Variants in TPPP observed in about 807,000 individuals in gnomAD.
TPPP encodes the protein tubulin polymerization-promoting protein.
TPPP carries 6 observed loss-of-function variants against 15.5 expected under a neutral mutation model. The ratio of observed to expected loss-of-function variants is 0.39; its 90% CI spans 0.21 to 0.77. The LOEUF (loss-of-function observed/expected upper bound fraction) is 0.77, where lower values mean the gene tolerates loss of function less well. TPPP is among the 30% of genes least tolerant of loss of function. The pLI, the probability that TPPP is intolerant of heterozygous loss-of-function variation, is 0.42. For synonymous variants in TPPP, 146 were observed against 133.9 expected, an observed-to-expected ratio of 1.09 and a Z score of -0.63; for missense variants, 269 against 307.2, an observed-to-expected ratio of 0.88 and a Z score of 0.93.
chr5:665,353 A>C, intron 3 of TPPP, 57 bp from the exon 4 acceptor site: 1 of 1,526,920 alleles, frequency 6.5e-7, no homozygotes, highest in Non-Finnish European at 8.9e-7. Context: ...TGAGGCCAGC[A>C]AGTGAAATGG....
At chr5:677,642 AACCCCCTCCAC>A in intron 2 of TPPP, 97 bp downstream of exon 2, 1 of 1,058,394 alleles carries the variant, frequency 9.4e-7, no homozygotes, top group African/African-American at 1.6e-5. Flanking sequence ...CTTGAAGCAC[AACCCCCTCCAC>A]TCCCCATGGC....
At chr5:669,227 G>A (rs546612102) in intron 2 of TPPP, among the ~76,000 whole-genome samples, 7 of 152,162 alleles carry the variant, frequency 4.6e-5, no homozygotes, top group African/African-American at 4.8e-5. Context: ...TTCCAGACCC[G>A]CCGGCCATAG....
intron 2 of TPPP, among the ~76,000 whole-genome samples, chr5:666,529 G>A (rs577914275): frequency 1.3e-5 from 2 of 152,336 alleles, no homozygotes; most frequent in Admixed American, 1.3e-4. Context: ...CTAGGTGGAG[G>A]TGTCCCCCAC....
intron 1 of TPPP, among the ~76,000 whole-genome samples, chr5:682,235 T>G (rs943183257): frequency 4.1e-5 from 6 of 145,206 alleles, no homozygotes; most frequent in African/African-American, 1.6e-4. Context: ...GGCCAGGCAC[T>G]AGGACTGACT....
rs371896286 is a variant in TPPP, at chr5:666,022, C to A, written c.413G>T (p.Arg138Leu). ...FKDKSSEEAV[R>L]EVHRLIEGKA... The stretch of plus-strand genomic sequence containing the variant: ...GCCCTCGATGAGCCTGTGCACCTCG[C>A]GAACGGCCTCCTCGCTGCTCTTGTC... Residue 138 changes from arginine to leucine, a missense_variant, in exon 3 of 4, where the codon CGC (arginine) becomes CTC (leucine). Arg to Leu is a moderately radical substitution (Grantham distance 102). Coordinates refer to ENST00000360578, the MANE Select transcript of TPPP (RefSeq NM_007030.3). 2.5e-6 allele frequency: 4 copies of A among 1,610,058 alleles called. No homozygotes were observed. Among genetic ancestry groups the A allele is most frequent in the African/African-American group, 2.7e-5 (2 of 74,396 alleles).
rs1739763392 is a variant in TPPP, at chr5:663,413, C to T, written c.*1689G>A. The T allele has an allele frequency of 6.6e-6, 1 of 152,426 alleles. No individual in the cohort carries two copies. The highest frequency in any genetic ancestry group is 2.1e-4 in the South Asian group (1 of 4,834). 9.4% of individuals were successfully genotyped at this position (152,426 alleles called of 1,614,324 possible). A position where few individuals can be genotyped will look rare whatever the true frequency, so the allele number is the denominator to read the frequency against. On this transcript the variant is annotated 3_prime_UTR_variant, in exon 4 of 4. Transcript: ENST00000360578. The stretch of plus-strand genomic sequence containing the variant: ...TCCATTTTTCCTTGCTCTTTATTTC[C>T]AGGCACTGAACTTCCCAGCCCTGCC...
At chr5:665,919 G>GGCCCCCCCCCCCC in intron 3 of TPPP, 51 bp downstream of exon 3, 6 of 344,042 alleles carry the variant, frequency 1.7e-5, no homozygotes, top group Non-Finnish European at 2.4e-5. Flanking sequence ...CACCTTCCAG[G>GGCCCCCCCCCCCC]CCCCGCCCCC....
intron 2 of TPPP, among the ~76,000 whole-genome samples, chr5:672,536 TGGACCCATAG>T (rs1403481583): frequency 6.6e-6 from 1 of 152,246 alleles, no homozygotes; most frequent in Non-Finnish European, 1.5e-5. Flanking sequence ...CTGAGCTAGA[TGGACCCATAG>T]GGGGCCAGTG....
In TPPP at chr5:673,929, A is replaced by G. The variant is rs117493888; in HGVS notation, c.311+3821T>C. Among the ~76,000 whole-genome samples the G allele has an allele frequency of 5.1e-4, 78 of 152,310 alleles. No individual in the cohort carries two copies. In the East Asian group the frequency reaches 0.012, roughly 23 times the overall value. On this transcript the variant is annotated intron_variant, in intron 2 of 3. Transcript: ENST00000360578. ...CCACCCACCGCAGGGAGAGTTCTGC[A>G]TGTGTGTGCAGGCGTGTGTGTGCAC...
chr5:668,014 C>T (rs57942070), intron 2 of TPPP, among the ~76,000 whole-genome samples: 2 of 36,650 alleles, frequency 5.5e-5, no homozygotes, highest in Non-Finnish European at 8.3e-5. Flanking sequence ...AGGGAAGTAC[C>T]GACAAGCACA....
chr5:685,159 C>T lies in TPPP; in HGVS notation c.-4-7095G>A, dbSNP rs544727009. Among the ~76,000 whole-genome samples, 371 of 152,236 alleles carry T rather than the reference C, an allele frequency of 2.4e-3. 2 individuals carry two copies. The highest frequency in any genetic ancestry group is 3.9e-3 in the Non-Finnish European group (266 of 67,998). On this transcript the variant is annotated intron_variant, in intron 1 of 3. Coordinates refer to ENST00000360578, the MANE Select transcript of TPPP (RefSeq NM_007030.3). ...CAGAGGTCATCACTCTTGAGAGTCA[C>T]TGGTTGATCCTGAGAGGTCACTGGT...
chr5:663,069 CCGA>C lies in TPPP; in HGVS notation c.*2030_*2032del, dbSNP rs1739724927. On this transcript the variant is annotated 3_prime_UTR_variant, in exon 4 of 4. Transcript: ENST00000360578. Reference sequence around the variant, plus strand: ...ACTGCTCGTCTGTGATCGGGTGATTCCGATGACTGCTTGTCTGTGATTGGGCGA... The same window carrying C: ...ACTGCTCGTCTGTGATCGGGTGATTCTGACTGCTTGTCTGTGATTGGGCGA... 2 of 150,178 alleles carry C rather than the reference CCGA, an allele frequency of 1.3e-5. No homozygotes were observed. Among genetic ancestry groups the C allele is most frequent in the Non-Finnish European group, 1.5e-5 (1 of 67,750 alleles). 9.3% of individuals were successfully genotyped at this position (150,178 alleles called of 1,614,324 possible). A position where few individuals can be genotyped will look rare whatever the true frequency, so the allele number is the denominator to read the frequency against.
At chr5:676,925 C>T (rs993144969) in intron 2 of TPPP, among the ~76,000 whole-genome samples, 9 of 145,018 alleles carry the variant, frequency 6.2e-5, no homozygotes, top group African/African-American at 1.4e-4. Context: ...GACGCAGAAA[C>T]GCACGCGCGC....
At chr5:684,100 T>C (rs950987204) in intron 1 of TPPP, among the ~76,000 whole-genome samples, 2 of 152,316 alleles carry the variant, frequency 1.3e-5, no homozygotes, top group East Asian at 1.9e-4. Context: ...TGCCTGCAGA[T>C]GGCAAAGCTC....
At chr5:678,203 C>T (rs1257743124) in intron 1 of TPPP, 139 bp from the exon 2 acceptor site, 13 of 790,742 alleles carry the variant, frequency 1.6e-5, no homozygotes, top group Non-Finnish European at 2.2e-5. Flanking sequence ...TGGGGCTGGG[C>T]GTGAGGCCCC....
At chr5:672,270 G>T (rs1015522106) in intron 2 of TPPP, among the ~76,000 whole-genome samples, 1 of 152,138 alleles carries the variant, frequency 6.6e-6, no homozygotes, top group Non-Finnish European at 1.5e-5. Context: ...ACCCCAGGGA[G>T]CCTGGCCCTG....
upstream of TPPP, chr5:693,367 G>A (rs1418958486): frequency 6.8e-6 from 1 of 148,104 alleles, no homozygotes; most frequent in Non-Finnish European, 1.5e-5. Flanking sequence ...CCGCCGCCCC[G>A]CGCCCGCCCG....
At chr5:677,129 G>A (rs1053221234) in intron 2 of TPPP, among the ~76,000 whole-genome samples, 5 of 152,260 alleles carry the variant, frequency 3.3e-5, no homozygotes, top group Non-Finnish European at 7.3e-5. Context: ...GGTGGTGGCC[G>A]GAGCCGCCTC....
chr5:698,285 T>C (rs1201809180), upstream of TPPP, among the ~76,000 whole-genome samples: 5 of 152,050 alleles, frequency 3.3e-5, no homozygotes, highest in African/African-American at 7.2e-5. Flanking sequence ...ACCACTCTTA[T>C]TCAACACAGT....
Sources: allele counts gnomAD v4.1 joint callset (sites outside exome capture counted in the v4.1 genomes callset), GRCh38; gene constraint gnomAD v4.1.1; transcripts MANE v1.5; gene names NCBI Gene and HGNC (gene_info 2026-07-23, HGNC 2026-07-21).